Variants in SYT7 observed in about 807,000 individuals in gnomAD.
SYT7 encodes synaptotagmin 7.
A neutral mutation model predicts 75.1 loss-of-function variants in SYT7; 29 were observed. The ratio of observed to expected loss-of-function variants is 0.39; its 90% CI spans 0.29 to 0.53. SYT7 has a LOEUF of 0.53. Ranked by LOEUF, SYT7 falls within the 20% of genes least tolerant of loss-of-function variation. The probability of loss-of-function intolerance (pLI) is 0.77; values close to 1 mark genes in which losing one functional copy is unlikely to be tolerated. For missense variants in SYT7, 693 were observed against 953.2 expected, an observed-to-expected ratio of 0.73 and a Z score of 3.59; for synonymous variants, 376 against 401.7, an observed-to-expected ratio of 0.94 and a Z score of 0.76.
At chr11:61,582,085 T>TAC (rs36109978), upstream of SYT7, among the ~76,000 whole-genome samples, 1,271 of 147,764 alleles carry the variant, frequency 8.6e-3, 7 homozygotes, top group Non-Finnish European at 0.011. Flanking sequence ...ATCACCTACA[T>TAC]ACACACACAC....
intron 6 of SYT7, chr11:61,540,974 C>T (rs1044093446): frequency 1.0e-6 from 1 of 985,344 alleles, no homozygotes; most frequent in Non-Finnish European, 1.2e-6. Flanking sequence ...AATATGGTGT[C>T]CTGATTTGCC....
chr11:61,561,155 G>T (rs1474472091), intron 1 of SYT7, among the ~76,000 whole-genome samples: 1 of 152,168 alleles, frequency 6.6e-6, no homozygotes, highest in Non-Finnish European at 1.5e-5. Context: ...AGAAAATTTG[G>T]AGCCCTAGTC....
At position 61,527,967 on chromosome 11, in the gene SYT7, C is replaced by T; in HGVS notation, c.1419G>A (p.Lys473=). The change falls in exon 9 of 13, where the codon AAG becomes AAA. Residue 473 remains lysine (K), a synonymous_variant. Coordinates refer to ENST00000539008, the MANE Select transcript of SYT7 (RefSeq NM_001365809.2). Reference sequence around the variant, plus strand: ...GGGGGTTCAGGTTCTTCCGCTTCACCTTGGTCTCCAGCTTGTGCTTCTTGT... The same window carrying T: ...GGGGGTTCAGGTTCTTCCGCTTCACTTTGGTCTCCAGCTTGTGCTTCTTGT... ...LPDKKHKLET[K]VKRKNLNPHW... 6.2e-7 allele frequency: 1 copy of T among 1,614,166 alleles called. No individual in the cohort carries two copies. The highest frequency in any genetic ancestry group is 8.5e-7 in the Non-Finnish European group (1 of 1,180,038).
chr11:61,555,063 C>T (rs1451152172), intron 2 of SYT7, among the ~76,000 whole-genome samples: 1 of 152,200 alleles, frequency 6.6e-6, no homozygotes, highest in African/African-American at 2.4e-5. Flanking sequence ...CCCTTTTCTT[C>T]CTCCAGAGGA....
chr11:61,544,723 C>T lies in SYT7; in HGVS notation c.572+1308G>A, dbSNP rs576030633. Reference sequence around the variant, plus strand: ...CTGGAGCCAGTGGATGGCATGGAGGCCTAACCGGCCTGGAGACTGGCCGGG... The same window carrying T: ...CTGGAGCCAGTGGATGGCATGGAGGTCTAACCGGCCTGGAGACTGGCCGGG... On this transcript the variant is annotated intron_variant, in intron 5 of 12. Coordinates refer to ENST00000539008, the MANE Select transcript of SYT7 (RefSeq NM_001365809.2). Among the ~76,000 whole-genome samples the T allele has an allele frequency of 3.3e-5, 5 of 152,296 alleles. No homozygotes were observed. In the South Asian group the frequency reaches 1.0e-3, roughly 32 times the overall value.
chr11:61,533,357 A>G (rs1002568931), intron 7 of SYT7: 1 of 985,162 alleles, frequency 1.0e-6, no homozygotes, highest in Admixed American at 6.1e-5. Context: ...AACTACTCCT[A>G]TAGGGGATAT....
At chr11:61,578,529 A>G (rs2064148327) in intron 1 of SYT7, among the ~76,000 whole-genome samples, 2 of 152,090 alleles carry the variant, frequency 1.3e-5, no homozygotes. Context: ...AGTACCAGCC[A>G]AGGGGAGATG....
At chr11:61,567,899 C>A (rs2063816201) in intron 1 of SYT7, among the ~76,000 whole-genome samples, 1 of 152,248 alleles carries the variant, frequency 6.6e-6, no homozygotes, top group Non-Finnish European at 1.5e-5. Context: ...TGCATCCTGG[C>A]CGCTTTGGGG....
rs893824506 is a variant in SYT7, at chr11:61,551,085, T to C, written c.215+299A>G. ...CGGGTGGTGGGCACAGTGTGTGTGATAGGAGGGTGGGATGAGAAAGCGGCA... is the reference window on the plus strand; with the variant it reads ...CGGGTGGTGGGCACAGTGTGTGTGACAGGAGGGTGGGATGAGAAAGCGGCA... On this transcript the variant is annotated intron_variant, in intron 3 of 12. Transcript: ENST00000539008. The surrounding 1 kb of genome is among the most constrained non-coding windows in gnomAD (Gnocchi z 5.3). 1.3e-5 allele frequency among the ~76,000 whole-genome samples: 2 copies of C among 151,378 alleles called. No homozygotes were observed. The highest frequency in any genetic ancestry group is 2.4e-5 in the African/African-American group (1 of 41,188).
At chr11:61,535,080 G>A (rs2062829479) in intron 7 of SYT7, among the ~76,000 whole-genome samples, 1 of 152,248 alleles carries the variant, frequency 6.6e-6, no homozygotes, top group South Asian at 2.1e-4. Context: ...AGCTGTCGGA[G>A]GTCACAGGAC....
At chr11:61,564,529 T>C (rs1238920114) in intron 1 of SYT7, among the ~76,000 whole-genome samples, 2 of 152,218 alleles carry the variant, frequency 1.3e-5, no homozygotes, top group African/African-American at 4.8e-5. Context: ...GAGGGTTAAA[T>C]GCCTGCCCAG....
At position 61,517,826 on chromosome 11, in the gene SYT7, G is replaced by C. The variant is rs3019201; in HGVS notation, c.*801C>G. 0.021 allele frequency: 7,264 copies of C among 344,592 alleles called. 505 individuals carry two copies. The highest frequency in any genetic ancestry group is 0.14 in the African/African-American group (6,565 of 46,832). 21.3% of individuals were successfully genotyped at this position (344,592 alleles called of 1,614,324 possible). On this transcript the variant is annotated 3_prime_UTR_variant, in exon 13 of 13. Transcript: ENST00000539008. ...ACTACTTCAGATTCTGAGCAGAGGG[G>C]GGCACCAAGGGGAGAAGGGGAGGAG...
chr11:61,522,138 A>T (rs181524895), intron 12 of SYT7, among the ~76,000 whole-genome samples: 2 of 152,200 alleles, frequency 1.3e-5, no homozygotes, highest in Admixed American at 1.3e-4. Flanking sequence ...GTCCTGGGAA[A>T]ACTCAAGGTC....
intron 1 of SYT7, among the ~76,000 whole-genome samples, chr11:61,567,627 A>T (rs1272183407): frequency 1.3e-5 from 2 of 152,192 alleles, no homozygotes; most frequent in Non-Finnish European, 2.9e-5. Context: ...GTCCTGACTC[A>T]GGACAAAAAG....
rs557723369 is a variant in SYT7 at position 61,553,950 on chromosome 11, C to T, written c.135+2154G>A. On this transcript the variant is annotated intron_variant, in intron 2 of 12. Coordinates refer to ENST00000539008, the MANE Select transcript of SYT7 (RefSeq NM_001365809.2). The surrounding 1 kb of genome is among the most constrained non-coding windows in gnomAD (Gnocchi z 5.2). Reference sequence around the variant, plus strand: ...ACAGCCTGATCAACGAGCTCCCTGGCTTCTGGAACCCCTGAGGCGGAGGGG... The same window carrying T: ...ACAGCCTGATCAACGAGCTCCCTGGTTTCTGGAACCCCTGAGGCGGAGGGG... Among the ~76,000 whole-genome samples the T allele has an allele frequency of 3.0e-3, 456 of 152,168 alleles. 6 individuals are homozygous for T. The South Asian group carries it at 0.037, about 12-fold the overall frequency.
chr11:61,532,305 A>G (rs951223157), intron 8 of SYT7, among the ~76,000 whole-genome samples: 1 of 152,164 alleles, frequency 6.6e-6, no homozygotes, highest in African/African-American at 2.4e-5. Flanking sequence ...TGGAAAGTAC[A>G]GGTGGGGCAA....
At chr11:61,586,847 A>T in the SYT7 span, among the ~76,000 whole-genome samples, 40 of 152,110 alleles carry the variant, frequency 2.6e-4, no homozygotes, top group African/African-American at 9.7e-4. Context: ...CTCCTGCCTC[A>T]GTGGGCCCCT....
intron 7 of SYT7, 135 bp from the exon 8 acceptor site, chr11:61,533,259 C>G: frequency 1.4e-6 from 2 of 1,431,792 alleles, no homozygotes; most frequent in African/African-American, 2.9e-5. Context: ...GAGCGGTACT[C>G]CAGTCCACGT....
Position 61,556,430 on chromosome 11 carries a change from T to C in SYT7, c.32-223A>G, listed in dbSNP as rs533919589. On this transcript the variant is annotated intron_variant, in intron 1 of 12. Transcript: ENST00000539008. Reference sequence around the variant, plus strand: ...CTGTAAAATGGGGAAACTGTGCCAGTTGGCATCTTTCTCTGTCTCTCCCTG... The same window carrying C: ...CTGTAAAATGGGGAAACTGTGCCAGCTGGCATCTTTCTCTGTCTCTCCCTG... Among the ~76,000 whole-genome samples the C allele has an allele frequency of 1.1e-3, 171 of 152,336 alleles. 1 individual carries two copies. The highest frequency in any genetic ancestry group is 4.0e-3 in the African/African-American group (168 of 41,580).
Sources: allele counts gnomAD v4.1 joint callset (sites outside exome capture counted in the v4.1 genomes callset), GRCh38; gene constraint gnomAD v4.1.1; non-coding constraint Gnocchi (gnomAD v3.1); transcripts MANE v1.5; gene names NCBI Gene and HGNC (gene_info 2026-07-23, HGNC 2026-07-21).